The following NDST3 variants were observed in gnomAD, a reference collection of about 807,000 sequenced individuals.
The protein encoded by NDST3 is bifunctional heparan sulfate N-deacetylase/N-sulfotransferase 3.
Under a neutral mutation model 96.1 loss-of-function variants are expected in NDST3, and 58 were observed. The ratio of observed to expected loss-of-function variants is 0.60; its 90% CI spans 0.49 to 0.75. The LOEUF is 0.75. Ranked by LOEUF, NDST3 falls within the 30% of genes least tolerant of loss-of-function variation. The pLI is 0.00. For missense variants in NDST3, 788 were observed against 1,034.2 expected (o/e 0.76, Z 3.27); for synonymous variants, 333 against 359.7 (o/e 0.93, Z 0.84).
chr4:118,082,525 T>C (rs72905214), intron 2 of NDST3, among the ~76,000 whole-genome samples: 4,257 of 152,250 alleles, frequency 0.028, 199 homozygotes, highest in African/African-American at 0.094. Context: ...CCAAATATTT[T>C]ATAATGGACA....
intron 3 of NDST3, 117 bp from the exon 4 acceptor site, chr4:118,114,689 C>A: frequency 8.8e-7 from 1 of 1,140,392 alleles, no homozygotes. Flanking sequence ...ATACGTAAAA[C>A]AGAATAAATG....
intron 6 of NDST3, among the ~76,000 whole-genome samples, chr4:118,207,469 T>C (rs1336615903): frequency 2.1e-5 from 3 of 145,302 alleles, no homozygotes; most frequent in East Asian, 3.9e-4. Context: ...CAGAATATAA[T>C]TGTCATCCCA....
intron 2 of NDST3, among the ~76,000 whole-genome samples, chr4:118,074,916 T>C (rs1215688103): frequency 6.6e-6 from 1 of 152,158 alleles, no homozygotes. Flanking sequence ...TTTTTTATTA[T>C]TATACTTTAA....
At chr4:118,076,637 C>G (rs1273814670) in intron 2 of NDST3, among the ~76,000 whole-genome samples, 1 of 152,140 alleles carries the variant, frequency 6.6e-6, no homozygotes, top group Non-Finnish European at 1.5e-5. Context: ...TTTTTCAGCT[C>G]TATCAGATCA....
intron 6 of NDST3, among the ~76,000 whole-genome samples, chr4:118,156,401 C>T (rs1734712941): frequency 6.6e-6 from 1 of 152,194 alleles, no homozygotes; most frequent in African/African-American, 2.4e-5. Flanking sequence ...AATCAATTAT[C>T]TTTACCTTCC....
At chr4:118,115,983 G>A (rs1731053459) in intron 4 of NDST3, among the ~76,000 whole-genome samples, 1 of 152,110 alleles carries the variant, frequency 6.6e-6, no homozygotes, top group East Asian at 1.9e-4. Context: ...AGCAAGAATA[G>A]TGCTCCTCCA....
intron 6 of NDST3, among the ~76,000 whole-genome samples, chr4:118,154,813 G>A (rs1391621552): frequency 3.3e-5 from 5 of 152,110 alleles, no homozygotes; most frequent in African/African-American, 4.8e-5. Context: ...GTTTCTGCAC[G>A]CCTGGCTAAA....
intron 2 of NDST3, among the ~76,000 whole-genome samples, chr4:118,101,103 T>A (rs1443082056): frequency 6.6e-6 from 1 of 152,010 alleles, no homozygotes; most frequent in East Asian, 1.9e-4. Flanking sequence ...AACAAAAAAA[T>A]TATCAAGACA....
chr4:118,226,731 A>G (rs548335727), intron 7 of NDST3, among the ~76,000 whole-genome samples, 155 bp from the exon 8 acceptor site: 1 of 152,300 alleles, frequency 6.6e-6, no homozygotes, highest in South Asian at 2.1e-4. Context: ...CAGAACTTCC[A>G]TGATGCCACT....
upstream of NDST3, chr4:118,033,852 G>T (rs1183158428): frequency 6.6e-6 from 1 of 152,362 alleles, no homozygotes. Context: ...GGGGCCCTGG[G>T]GAGCGGCTGA....
intron 4 of NDST3, among the ~76,000 whole-genome samples, chr4:118,117,206 G>A (rs1731201268): frequency 6.6e-6 from 1 of 152,098 alleles, no homozygotes; most frequent in Non-Finnish European, 1.5e-5. Flanking sequence ...AAAAAAGACT[G>A]AATCCAGAAC....
chr4:118,108,830 T>A (rs1448080258), intron 3 of NDST3, among the ~76,000 whole-genome samples: 34 of 152,192 alleles, frequency 2.2e-4, no homozygotes, highest in Admixed American at 2.2e-3. Flanking sequence ...CTTTTATTCC[T>A]CTGAATTTCT....
At chr4:118,085,122 AAACAAC>A (rs10682796) in intron 2 of NDST3, among the ~76,000 whole-genome samples, 1 of 150,592 alleles carries the variant, frequency 6.6e-6, no homozygotes, top group East Asian at 2.0e-4. Context: ...GACTCCGTAA[AAACAAC>A]AACAACAACA....
chr4:118,230,445 G>A (rs1740198306), intron 8 of NDST3, among the ~76,000 whole-genome samples: 1 of 152,066 alleles, frequency 6.6e-6, no homozygotes, highest in Non-Finnish European at 1.5e-5. Context: ...TGCGGTGGCG[G>A]GCGCCTGTAG....
intron 6 of NDST3, among the ~76,000 whole-genome samples, chr4:118,190,373 A>G (rs180949164): frequency 3.3e-5 from 5 of 152,354 alleles, no homozygotes; most frequent in Admixed American, 3.3e-4. Context: ...AATAAGTAAT[A>G]TTTCAGTTTT....
intron 10 of NDST3, 104 bp from the exon 11 acceptor site, chr4:118,240,420 T>A (rs1022221085): frequency 1.1e-6 from 1 of 921,714 alleles, no homozygotes; most frequent in African/African-American, 1.7e-5. Flanking sequence ...TCTCCAGCAG[T>A]GAGGCACTTC....
intron 1 of NDST3, among the ~76,000 whole-genome samples, chr4:118,043,313 C>T (rs540737855): frequency 6.6e-6 from 1 of 152,220 alleles, no homozygotes; most frequent in South Asian, 2.1e-4. Flanking sequence ...TGTAAGATGC[C>T]ATTGTATTCC....
At chr4:118,230,620 T>C (rs1248931678) in intron 8 of NDST3, among the ~76,000 whole-genome samples, 8 of 152,026 alleles carry the variant, frequency 5.3e-5, no homozygotes, top group Admixed American at 4.6e-4. Flanking sequence ...AACAAAGACT[T>C]ACCGAATCAG....
At chr4:118,154,254 C>T (rs545701046) in intron 6 of NDST3, among the ~76,000 whole-genome samples, 1 of 152,178 alleles carries the variant, frequency 6.6e-6, no homozygotes, top group African/African-American at 2.4e-5. Context: ...TTGCCTAACA[C>T]CTGCCCCACA....
Sources: allele counts gnomAD v4.1 joint callset (sites outside exome capture counted in the v4.1 genomes callset), GRCh38; gene constraint gnomAD v4.1.1; transcripts MANE v1.5; gene names NCBI Gene and HGNC (gene_info 2026-07-23, HGNC 2026-07-21).